GBE1: variants seen among roughly 807,000 people sequenced by gnomAD.
GBE1 encodes the protein 1,4-alpha-glucan branching enzyme 1.
In GBE1, 70 loss-of-function variants were observed where a neutral mutation model predicts 88.8. The observed-to-expected ratio is 0.79, with a 90% CI of 0.65 to 0.96. The LOEUF is 0.96. GBE1 is among the 40% of genes least tolerant of loss of function. GBE1 has a pLI of 0.00. For missense variants in GBE1, 872 were observed against 871.0 expected (o/e 1.00, Z -0.01); for synonymous variants, 284 against 300.1 (o/e 0.95, Z 0.56).
chr3:81,631,020 T>C (rs1704500446), intron 7 of GBE1, among the ~76,000 whole-genome samples: 1 of 151,268 alleles, frequency 6.6e-6, no homozygotes, highest in South Asian at 2.1e-4. Flanking sequence ...CTGGGCAACA[T>C]AGGAAGGCCC....
chr3:81,506,489 A>G (rs1702656024), intron 14 of GBE1, among the ~76,000 whole-genome samples: 2 of 152,122 alleles, frequency 1.3e-5, no homozygotes, highest in South Asian at 4.1e-4. Context: ...ATTAGTTTGA[A>G]CATTGTGGAA....
chr3:81,684,517 GTCTC>G (rs1188011983), intron 2 of GBE1, among the ~76,000 whole-genome samples: 2 of 151,984 alleles, frequency 1.3e-5, no homozygotes, highest in Non-Finnish European at 2.9e-5. Context: ...TCTCTCTGGG[GTCTC>G]TTACATGGGC....
chr3:81,611,807 C>T (rs958991134), intron 7 of GBE1, among the ~76,000 whole-genome samples: 1 of 152,048 alleles, frequency 6.6e-6, no homozygotes, highest in African/African-American at 2.4e-5. Context: ...TAATGAATAG[C>T]ATTAGTTAGT....
intron 1 of GBE1, among the ~76,000 whole-genome samples, chr3:81,756,241 T>C (rs1052801908): frequency 1.3e-5 from 2 of 152,208 alleles, no homozygotes; most frequent in Non-Finnish European, 2.9e-5. Context: ...TGGTCATCTT[T>C]AGCTCTTTAA....
At chr3:81,622,694 C>T (rs192346514) in intron 7 of GBE1, among the ~76,000 whole-genome samples, 43 of 152,306 alleles carry the variant, frequency 2.8e-4, no homozygotes, top group Non-Finnish European at 1.5e-4. Flanking sequence ...CCTTCTCCTC[C>T]CAGTTCCCCA....
At chr3:81,556,694 T>A (rs77793225) in intron 12 of GBE1, among the ~76,000 whole-genome samples, 1,524 of 152,268 alleles carry the variant, frequency 0.01, 20 homozygotes, top group African/African-American at 0.035. Flanking sequence ...AGGTAAACCC[T>A]GTGAAATGAT....
At chr3:81,759,321 T>G (rs1234862327) in intron 1 of GBE1, among the ~76,000 whole-genome samples, 1 of 152,222 alleles carries the variant, frequency 6.6e-6, no homozygotes, top group East Asian at 1.9e-4. Flanking sequence ...TCCTTCTTCA[T>G]CACCTTAATT....
At chr3:81,602,636 C>T (rs1374420072) in intron 7 of GBE1, among the ~76,000 whole-genome samples, 1 of 152,050 alleles carries the variant, frequency 6.6e-6, no homozygotes, top group African/African-American at 2.4e-5. Flanking sequence ...CTCCCAAAGG[C>T]CCCACTTCCT....
At chr3:81,677,809 C>T (rs1257166720) in intron 2 of GBE1, among the ~76,000 whole-genome samples, 1 of 152,114 alleles carries the variant, frequency 6.6e-6, no homozygotes, top group Non-Finnish European at 1.5e-5. Flanking sequence ...AGACACTTCC[C>T]CTCCCTATCA....
At chr3:81,717,803 C>G (rs1158130047) in intron 1 of GBE1, among the ~76,000 whole-genome samples, 2 of 151,866 alleles carry the variant, frequency 1.3e-5, no homozygotes, top group African/African-American at 4.8e-5. Flanking sequence ...AAAAATGTAC[C>G]CCAACACAAA....
At chr3:81,492,003 C>G (rs1026329329) in intron 15 of GBE1, among the ~76,000 whole-genome samples, 1 of 152,108 alleles carries the variant, frequency 6.6e-6, no homozygotes, top group Non-Finnish European at 1.5e-5. Flanking sequence ...GATTTAATGG[C>G]TAGAGAATAG....
chr3:81,661,959 G>A (rs1378966057), intron 3 of GBE1, among the ~76,000 whole-genome samples: 2 of 152,044 alleles, frequency 1.3e-5, no homozygotes, highest in African/African-American at 4.8e-5. Context: ...ATATATTTAT[G>A]TTTTAACAAA....
At chr3:81,668,672 T>C (rs1308834802) in intron 3 of GBE1, among the ~76,000 whole-genome samples, 1 of 152,188 alleles carries the variant, frequency 6.6e-6, no homozygotes. Context: ...GAGTGTTTAA[T>C]AATATAATCA....
rs566047423 is a variant in GBE1 at position 81,542,907 on chromosome 3, T to C, written c.1619-5812A>G. Among the ~76,000 whole-genome samples, 15 of 152,180 alleles carry C rather than the reference T, an allele frequency of 9.9e-5. No homozygotes were observed. In the East Asian group the frequency reaches 2.7e-3, roughly 27 times the overall value. ...TTTTAAATGGAGAAATTTAATTACA[T>C]GAGGTTAATTTCAGTACTTAGAAAA... On this transcript the variant is annotated intron_variant, in intron 12 of 15. Coordinates refer to ENST00000429644, the MANE Select transcript of GBE1 (RefSeq NM_000158.4).
chr3:81,702,582 C>T (rs1313301037), intron 2 of GBE1, among the ~76,000 whole-genome samples: 3 of 151,988 alleles, frequency 2.0e-5, no homozygotes, highest in Non-Finnish European at 4.4e-5. Context: ...ACATCTGCTG[C>T]TTTTCATGCC....
intron 1 of GBE1, among the ~76,000 whole-genome samples, chr3:81,720,030 A>G (rs1393202486): frequency 4.6e-5 from 7 of 152,100 alleles, no homozygotes. Context: ...AAAGAATCTC[A>G]GGAGATATAT....
chr3:81,494,763 T>C (rs750877177), intron 15 of GBE1, among the ~76,000 whole-genome samples: 17 of 152,236 alleles, frequency 1.1e-4, no homozygotes, highest in Non-Finnish European at 1.9e-4. Flanking sequence ...AAATGCATGC[T>C]AATCTACTCA....
intron 6 of GBE1, among the ~76,000 whole-genome samples, chr3:81,644,392 T>A (rs1362306913): frequency 6.6e-6 from 1 of 152,010 alleles, no homozygotes; most frequent in Non-Finnish European, 1.5e-5. Context: ...CATAATAATA[T>A]CTAAGGGTAA....
intron 2 of GBE1, among the ~76,000 whole-genome samples, chr3:81,682,346 T>C (rs376786863): frequency 5.3e-5 from 8 of 152,054 alleles, no homozygotes; most frequent in African/African-American, 1.9e-4. Context: ...CCTGTAGTCC[T>C]AGCTACTCAG....
Sources: allele counts gnomAD v4.1 joint callset (sites outside exome capture counted in the v4.1 genomes callset), GRCh38; gene constraint gnomAD v4.1.1; transcripts MANE v1.5; gene names NCBI Gene and HGNC (gene_info 2026-07-23, HGNC 2026-07-21).